The following TP53BP1 variants were observed in gnomAD, a reference collection of about 807,000 sequenced individuals.
TP53BP1 encodes tumor protein p53 binding protein 1.
In TP53BP1, 61 loss-of-function variants were observed where a neutral mutation model predicts 200.8. That is an observed-to-expected ratio of 0.30 (90% confidence interval 0.25 to 0.38). TP53BP1 has a LOEUF of 0.38. Among genes scored for constraint, TP53BP1 ranks in the 10% least tolerant of loss-of-function variants. TP53BP1 has a pLI of 1.00. For missense variants in TP53BP1, 2,144 were observed against 2,371.9 expected, an observed-to-expected ratio of 0.90 and a Z score of 2.00; for synonymous variants, 822 against 844.3, an observed-to-expected ratio of 0.97 and a Z score of 0.46.
chr15:43,459,042 A>G (rs535184568), intron 11 of TP53BP1, among the ~76,000 whole-genome samples: 1 of 152,316 alleles, frequency 6.6e-6, no homozygotes, highest in South Asian at 2.1e-4. Flanking sequence ...TATTATTCGT[A>G]AGATGTGCAT....
At position 43,444,681 on chromosome 15, in the gene TP53BP1, C is replaced by G. The variant is rs377243759; in HGVS notation, c.3040+1706G>C. ...TCGGCTTCTTATGAGATTTAATGAGCTATACATGTGAAGTACCTGGTATAC... is the reference window on the plus strand; with the variant it reads ...TCGGCTTCTTATGAGATTTAATGAGGTATACATGTGAAGTACCTGGTATAC... On this transcript the variant is annotated intron_variant, in intron 14 of 27. Transcript: ENST00000382044. Among the ~76,000 whole-genome samples the G allele has an allele frequency of 9.7e-4, 148 of 152,260 alleles. 4 individuals are homozygous for G. The South Asian group carries it at 0.03, about 31-fold the overall frequency.
At chr15:43,486,567 AG>A (rs1463265345) in intron 4 of TP53BP1, among the ~76,000 whole-genome samples, 1 of 152,188 alleles carries the variant, frequency 6.6e-6, no homozygotes, top group Non-Finnish European at 1.5e-5. Context: ...CTTTGTGAAA[AG>A]GGAGCAAGGG....
At chr15:43,505,838 T>A (rs1323677824) in intron 1 of TP53BP1, among the ~76,000 whole-genome samples, 1 of 152,204 alleles carries the variant, frequency 6.6e-6, no homozygotes, top group Non-Finnish European at 1.5e-5. Context: ...CTGGTATGCA[T>A]TATGATCATA....
chr15:43,447,068 A>C (rs2046058458), intron 13 of TP53BP1: 1 of 466,304 alleles, frequency 2.1e-6, no homozygotes, highest in South Asian at 1.9e-5. Flanking sequence ...CATCCTTATA[A>C]AACATCTCTA....
Position 43,420,995 on chromosome 15 carries a change from GACTAAGTATATCTT to G in TP53BP1, c.4250+16_4250+29del, listed in dbSNP as rs756024513. On this transcript the variant is annotated intron_variant, in intron 20 of 27. Transcript: ENST00000382044. ...CCATTCCCTTGTTTTCTGAACAACA[GACTAAGTATATCTT>G]ACACTACCCAGGTACCTGGTTCCAG... The G allele has an allele frequency of 1.9e-6, 3 of 1,595,780 alleles. No individual in the cohort carries two copies. In the Admixed American group the frequency reaches 5.3e-5, roughly 28 times the overall value.
intron 12 of TP53BP1, among the ~76,000 whole-genome samples, chr15:43,450,796 C>T (rs1240610814): frequency 6.6e-6 from 1 of 152,090 alleles, no homozygotes; most frequent in Admixed American, 6.6e-5. Flanking sequence ...CTTCCAACTC[C>T]CTCTCTCCCC....
chr15:43,423,086 G>C (rs1403363856), intron 18 of TP53BP1, among the ~76,000 whole-genome samples: 2 of 147,960 alleles, frequency 1.4e-5, no homozygotes, highest in Non-Finnish European at 3.0e-5. Context: ...CTACAAGAAA[G>C]TCAAACTGGC....
chr15:43,410,916 TC>T (rs1227558722), intron 24 of TP53BP1, among the ~76,000 whole-genome samples: 4 of 152,170 alleles, frequency 2.6e-5, no homozygotes, highest in Non-Finnish European at 4.4e-5. Context: ...CAAATTGAAA[TC>T]CCAAAACAGA....
At chr15:43,499,193 T>C (rs921542899) in intron 1 of TP53BP1, among the ~76,000 whole-genome samples, 1 of 152,122 alleles carries the variant, frequency 6.6e-6, no homozygotes, top group Non-Finnish European at 1.5e-5. Context: ...TTACTCATAT[T>C]CTGAGGTAGT....
chr15:43,446,271 A>C (rs2046038836), intron 14 of TP53BP1, 116 bp downstream of exon 14: 1 of 813,588 alleles, frequency 1.2e-6, no homozygotes, highest in African/African-American at 1.7e-5. Flanking sequence ...TATGAGTGTA[A>C]GACTTTACAA....
intron 18 of TP53BP1, among the ~76,000 whole-genome samples, chr15:43,422,707 A>C (rs1456951593): frequency 6.6e-6 from 1 of 152,208 alleles, no homozygotes; most frequent in Non-Finnish European, 1.5e-5. Context: ...AAATAGGCTA[A>C]AAGGGGTCAG....
chr15:43,420,882 G>T, intron 20 of TP53BP1, 143 bp downstream of exon 20: 3 of 1,298,322 alleles, frequency 2.3e-6, no homozygotes, highest in Non-Finnish European at 3.2e-6. Context: ...TCTCTCTGTG[G>T]CCTCACTCTG....
chr15:43,455,637 C>T (rs1416120191), intron 12 of TP53BP1, among the ~76,000 whole-genome samples: 2 of 151,784 alleles, frequency 1.3e-5, no homozygotes, highest in Non-Finnish European at 2.9e-5. Context: ...CGAGAAATCA[C>T]TTGAACCCGG....
At chr15:43,423,469 C>A (rs1427886325) in intron 18 of TP53BP1, among the ~76,000 whole-genome samples, 8 of 147,418 alleles carry the variant, frequency 5.4e-5, no homozygotes, top group Non-Finnish European at 1.5e-5. Context: ...ACCAGTCTGG[C>A]CATCATGGTG....
In TP53BP1 at chr15:43,420,749, G is replaced by C. The variant is rs1292218689; in HGVS notation, c.4251-14C>G. 1.2e-6 allele frequency: 2 copies of C among 1,603,158 alleles called. No individual in the cohort carries two copies. Among genetic ancestry groups the C allele is most frequent in the South Asian group, 2.2e-5 (2 of 89,876 alleles). On this transcript the variant is annotated splice_polypyrimidine_tract_variant and intron_variant, in intron 20 of 27. Transcript: ENST00000382044. ...ACAGCTGTTTCTCTAAAGAGAGATA[G>C]GGGATAGGAGAAGCCGGTGAGAACA...
chr15:43,407,488 C>T lies in TP53BP1; in HGVS notation c.5829G>A (p.Gln1943=). The part of the protein sequence containing the change: ...ASVLKCAEAL[Q]LPVVSQEWVI... ...CCCACTCTTGTGACACCACAGGCAG[C>T]TGCAATGCTTCAGCACACTTCAGCA... is the stretch of plus-strand genomic sequence containing the variant. The change falls in exon 28 of 28, where the codon CAG becomes CAA. Residue 1943 remains glutamine (Q), a synonymous_variant. Coordinates refer to ENST00000382044, the MANE Select transcript of TP53BP1 (RefSeq NM_001141980.3). 10 of 1,614,244 alleles carry T rather than the reference C, an allele frequency of 6.2e-6. No individual in the cohort carries two copies. The highest frequency in any genetic ancestry group is 8.5e-6 in the Non-Finnish European group (10 of 1,180,042).
intron 17 of TP53BP1, among the ~76,000 whole-genome samples, chr15:43,429,299 T>C (rs1372063613): frequency 6.6e-6 from 1 of 152,208 alleles, no homozygotes; most frequent in African/African-American, 2.4e-5. Context: ...AAAAAAGTGC[T>C]AGAATTTCAG....
chr15:43,492,741 T>A (rs2079144592), intron 1 of TP53BP1, among the ~76,000 whole-genome samples: 1 of 150,508 alleles, frequency 6.6e-6, no homozygotes, highest in African/African-American at 2.5e-5. Flanking sequence ...CCTAACCTCT[T>A]CTCTCCCCGC....
Position 43,491,711 on chromosome 15 carries a change from CTGATGGAACCACATG to C in TP53BP1, c.314_328del (p.Thr105_Ile109del). On this transcript the variant is annotated inframe_deletion, in exon 4 of 28. Transcript: ENST00000382044. The stretch of plus-strand genomic sequence containing the variant: ...CTGAGGTAACTGCTCAATGACCTGA[CTGATGGAACCACATG>C]TGTCCAAGTTAGAAGAATCCACAGG... 6.2e-7 allele frequency: 1 copy of C among 1,614,124 alleles called. No individual in the cohort carries two copies. The highest frequency in any genetic ancestry group is 2.2e-5 in the East Asian group (1 of 44,874).
Sources: gnomAD v4.1 joint callset for allele counts (sites outside exome capture counted in the v4.1 genomes callset) on GRCh38, gnomAD v4.1.1 for gene constraint, MANE v1.5 for transcripts, NCBI Gene and HGNC (gene_info 2026-07-23, HGNC 2026-07-21) for gene names.